The following POLR3A variants were observed in gnomAD, a reference collection of about 807,000 sequenced individuals.
POLR3A encodes the protein DNA-directed RNA polymerase III subunit RPC1.
POLR3A carries 112 observed loss-of-function variants against 152.8 expected under a neutral mutation model. The ratio of observed to expected loss-of-function variants is 0.73; its 90% CI spans 0.63 to 0.86. The LOEUF (loss-of-function observed/expected upper bound fraction) is 0.86, where lower values mean the gene tolerates loss of function less well. Among genes scored for constraint, POLR3A ranks in the 40% least tolerant of loss-of-function variants. The pLI is 0.00. For synonymous variants in POLR3A, 615 were observed against 652.1 expected (o/e 0.94, Z 0.87); for missense variants, 1,385 against 1,743.1 (o/e 0.79, Z 3.66).
chr10:78,029,314 G>T, intron 1 of POLR3A, 50 bp downstream of exon 1: 1 of 1,595,682 alleles, frequency 6.3e-7, no homozygotes. Flanking sequence ...GCTGACCTCG[G>T]ACCCCTTGCC....
intron 2 of POLR3A, 52 bp from the exon 3 acceptor site, chr10:78,025,811 A>G (rs1356406180): frequency 6.3e-7 from 1 of 1,574,928 alleles, no homozygotes; most frequent in Non-Finnish European, 8.7e-7. Flanking sequence ...GACGGGAAAG[A>G]GTGCCCAGCC....
chr10:78,024,891 C>T (rs536915570), intron 4 of POLR3A, 80 bp downstream of exon 4: 21 of 1,550,472 alleles, frequency 1.4e-5, no homozygotes, highest in South Asian at 7.8e-5. Flanking sequence ...GACTCCCGAA[C>T]ATTATGTAAA....
At chr10:78,021,449 A>G (rs1157078047) in intron 8 of POLR3A, 97 bp downstream of exon 8, 1 of 1,208,484 alleles carries the variant, frequency 8.3e-7, no homozygotes, top group African/African-American at 1.5e-5. Flanking sequence ...TGAGTGGGTT[A>G]CTGGGGACTT....
intron 28 of POLR3A, among the ~76,000 whole-genome samples, chr10:77,981,821 G>A (rs1232197241): frequency 8.4e-5 from 12 of 142,726 alleles, no homozygotes; most frequent in Admixed American, 1.5e-4. Flanking sequence ...TCAGGAGATC[G>A]AGACCATCCT....
At chr10:78,017,750 G>C (rs769658597) in intron 9 of POLR3A, 34 bp from the exon 10 acceptor site, 1 of 1,612,590 alleles carries the variant, frequency 6.2e-7, no homozygotes, top group Non-Finnish European at 8.5e-7. Flanking sequence ...ATCTGTGAAA[G>C]CAAAGTTCTC....
Position 78,009,571 on chromosome 10 carries a change from A to G in POLR3A, c.1875T>C (p.Cys625=). The change falls in exon 14 of 31, where the codon TGT becomes TGC. Residue 625 remains cysteine, a synonymous_variant. Coordinates refer to ENST00000372371, the MANE Select transcript of POLR3A (RefSeq NM_007055.4). ...ANLRTKGKQY[C]GKGEDLCAND... is the part of the protein sequence containing the mutation. ...TGGCACAGAGATCTTCCCCTTTGCCACAGTACTGCTTGCCCTTGGTTCGCA... is the reference window on the plus strand; with the variant it reads ...TGGCACAGAGATCTTCCCCTTTGCCGCAGTACTGCTTGCCCTTGGTTCGCA... The G allele has an allele frequency of 1.2e-6, 2 of 1,614,164 alleles. No homozygotes were observed. Among genetic ancestry groups the G allele is most frequent in the Non-Finnish European group, 1.7e-6 (2 of 1,180,034 alleles).
At chr10:78,023,943 G>C (rs1847604850) in intron 5 of POLR3A, among the ~76,000 whole-genome samples, 1 of 152,014 alleles carries the variant, frequency 6.6e-6, no homozygotes, top group African/African-American at 2.4e-5. Context: ...TTTGAGACCA[G>C]ACTGGGCAAC....
At position 77,993,313 on chromosome 10, in the gene POLR3A, G is replaced by A. The variant is rs1439465660; in HGVS notation, c.2671C>T (p.Arg891Ter). Reference protein sequence around the residue: ...DLCSQYDLTVRSSTGDIIQFI... With the variant: ...DLCSQYDLTV Reference sequence around the variant, plus strand: ...TGGATAATATCGCCAGTAGAGCTTCGGACTGTCAGATCATACTGGGAGCAA... The same window carrying A: ...TGGATAATATCGCCAGTAGAGCTTCAGACTGTCAGATCATACTGGGAGCAA... Residue 891 changes from arginine to a stop codon, truncating the protein, a stop_gained, in exon 20 of 31, where the codon CGA becomes TGA. Coordinates refer to ENST00000372371, the MANE Select transcript of POLR3A (RefSeq NM_007055.4). LOFTEE classifies it high-confidence loss of function. The A allele has an allele frequency of 4.3e-6, 7 of 1,612,812 alleles. No homozygotes were observed. Among genetic ancestry groups the A allele is most frequent in the South Asian group, 2.2e-5 (2 of 91,050 alleles).
chr10:77,982,125 C>G (rs12766088), intron 28 of POLR3A, 29 bp downstream of exon 28: 43 of 1,603,660 alleles, frequency 2.7e-5, no homozygotes, highest in Non-Finnish European at 3.5e-5. Flanking sequence ...CAGCCTAACC[C>G]TAAGGCGACC....
chr10:77,993,900 C>A (rs1424107527), intron 19 of POLR3A, among the ~76,000 whole-genome samples: 1 of 152,136 alleles, frequency 6.6e-6, no homozygotes, highest in Admixed American at 6.6e-5. Flanking sequence ...CGTCCACCAG[C>A]TGAACACTCC....
chr10:77,985,540 G>C lies in POLR3A; in HGVS notation c.3072-200C>G, dbSNP rs368874169. Among the ~76,000 whole-genome samples the C allele has an allele frequency of 5.9e-5, 9 of 152,236 alleles. No homozygotes were observed. In the East Asian group the frequency reaches 1.5e-3, roughly 26 times the overall value. ...ACAGGGGAAAGTAAAGGTCAGAGAGGGGGCAGCAGTGCAACTCAATTCTGC... is the reference window on the plus strand; with the variant it reads ...ACAGGGGAAAGTAAAGGTCAGAGAGCGGGCAGCAGTGCAACTCAATTCTGC... On this transcript the variant is annotated intron_variant, in intron 23 of 30. Coordinates refer to ENST00000372371, the MANE Select transcript of POLR3A (RefSeq NM_007055.4).
At chr10:77,982,952 T>C (rs1847162754) in intron 26 of POLR3A, 135 bp from the exon 27 acceptor site, 2 of 725,392 alleles carry the variant, frequency 2.8e-6, no homozygotes, top group Non-Finnish European at 5.0e-6. Flanking sequence ...ATTAATACCA[T>C]AAATATGCTA....
intron 21 of POLR3A, among the ~76,000 whole-genome samples, chr10:77,987,919 C>T (rs554100596): frequency 1.4e-4 from 21 of 152,346 alleles, no homozygotes; most frequent in South Asian, 2.1e-4. Flanking sequence ...ATGAGGTCAG[C>T]GCTTGGCCAA....
chr10:78,003,532 A>G (rs375127273), intron 16 of POLR3A, among the ~76,000 whole-genome samples: 1 of 152,166 alleles, frequency 6.6e-6, no homozygotes, highest in Non-Finnish European at 1.5e-5. Flanking sequence ...TAGCTAAAAT[A>G]GTTTCAAATG....
In POLR3A at chr10:77,985,892, A is replaced by G; in HGVS notation, c.3071+11T>C. 1.9e-6 allele frequency: 3 copies of G among 1,607,388 alleles called. No individual in the cohort carries two copies. The highest frequency in any genetic ancestry group is 2.6e-6 in the Non-Finnish European group (3 of 1,173,820). On this transcript the variant is annotated intron_variant, in intron 23 of 30. Transcript: ENST00000372371. ...TGGATGACCGTCAGTCCAAGACAAA[A>G]GCATCCCTACCTCATGTACTTGTCC... is the stretch of plus-strand genomic sequence containing the variant.
intron 26 of POLR3A, among the ~76,000 whole-genome samples, 198 bp downstream of exon 26, chr10:77,983,722 T>C (rs1159335138): frequency 6.6e-6 from 1 of 152,170 alleles, no homozygotes; most frequent in African/African-American, 2.4e-5. Context: ...TTTCTGTGTG[T>C]CTTTAGATGG....
intron 15 of POLR3A, among the ~76,000 whole-genome samples, chr10:78,005,242 A>AG (rs1589311714): frequency 6.6e-6 from 1 of 152,222 alleles, no homozygotes; most frequent in East Asian, 1.9e-4. Flanking sequence ...CACGCCTATA[A>AG]TCCCAGCACT....
chr10:78,027,955 G>C (rs1466943042), intron 1 of POLR3A, among the ~76,000 whole-genome samples: 1 of 152,170 alleles, frequency 6.6e-6, no homozygotes, highest in East Asian at 1.9e-4. Flanking sequence ...CTGGGCGCAG[G>C]TGTACAGGTG....
intron 15 of POLR3A, 146 bp downstream of exon 15, chr10:78,007,556 C>A (rs1847422736): frequency 1.4e-6 from 1 of 703,782 alleles, no homozygotes; most frequent in Admixed American, 2.2e-5. Flanking sequence ...AATAACAGCA[C>A]ACATGATTTA....
Sources: gnomAD v4.1 joint callset for allele counts (sites outside exome capture counted in the v4.1 genomes callset) on GRCh38, gnomAD v4.1.1 for gene constraint, MANE v1.5 for transcripts, NCBI Gene and HGNC (gene_info 2026-07-23, HGNC 2026-07-21) for gene names.